LSAMP: variants seen among roughly 807,000 people sequenced by gnomAD.
The protein encoded by LSAMP is limbic system-associated membrane protein.
Under a neutral mutation model 38.6 loss-of-function variants are expected in LSAMP, and 7 were observed. The observed-to-expected ratio is 0.18, with a 90% CI of 0.10 to 0.34. The LOEUF (loss-of-function observed/expected upper bound fraction) is 0.34. Ranked by LOEUF, LSAMP falls within the 10% of genes least tolerant of loss-of-function variation. The pLI, the probability that LSAMP is intolerant of heterozygous loss-of-function variation, is 1.00. For synonymous variants in LSAMP, 154 were observed against 166.8 expected (o/e 0.92, Z 0.59); for missense variants, 313 against 420.0 (o/e 0.75, Z 2.23).
chr3:116,056,401 G>A (rs530736340), intron 2 of LSAMP, among the ~76,000 whole-genome samples: 1 of 152,112 alleles, frequency 6.6e-6, no homozygotes, highest in South Asian at 2.1e-4. Flanking sequence ...AGTGAAATCT[G>A]GTACAGACCT....
At chr3:115,825,433 C>T (rs1214056051) in intron 6 of LSAMP, among the ~76,000 whole-genome samples, 3 of 152,214 alleles carry the variant, frequency 2.0e-5, no homozygotes, top group Non-Finnish European at 4.4e-5. Context: ...TCTGAAAATA[C>T]TGATGGCTCC....
At chr3:115,836,236 A>C (rs963096016) in intron 6 of LSAMP, among the ~76,000 whole-genome samples, 1 of 152,158 alleles carries the variant, frequency 6.6e-6, no homozygotes, top group African/African-American at 2.4e-5. Context: ...TCTTAGGCCT[A>C]TCACGCCCCA....
chr3:115,982,520 A>T (rs1939391552), intron 3 of LSAMP, among the ~76,000 whole-genome samples: 1 of 152,240 alleles, frequency 6.6e-6, no homozygotes, highest in African/African-American at 2.4e-5. Flanking sequence ...CAGAATTAAT[A>T]AAACAGCTGA....
At chr3:115,824,737 T>G (rs1934353716) in intron 6 of LSAMP, among the ~76,000 whole-genome samples, 1 of 151,600 alleles carries the variant, frequency 6.6e-6, no homozygotes, top group Admixed American at 6.6e-5. Context: ...AGAACTAGCT[T>G]CCGGACCTAA....
At chr3:116,272,427 T>C (rs912600727) in intron 1 of LSAMP, among the ~76,000 whole-genome samples, 1 of 152,178 alleles carries the variant, frequency 6.6e-6, no homozygotes, top group Non-Finnish European at 1.5e-5. Flanking sequence ...ATCGAAGCAC[T>C]GATCCCTAGT....
At chr3:116,366,247 G>A (rs2048351947) in intron 1 of LSAMP, among the ~76,000 whole-genome samples, 2 of 151,968 alleles carry the variant, frequency 1.3e-5, no homozygotes, top group Non-Finnish European at 1.5e-5. Flanking sequence ...CATACATGTG[G>A]CCAACAAACA....
At chr3:116,208,410 C>T (rs1297568043) in intron 1 of LSAMP, among the ~76,000 whole-genome samples, 3 of 152,196 alleles carry the variant, frequency 2.0e-5, no homozygotes, top group Non-Finnish European at 4.4e-5. Flanking sequence ...TCATCAAAGT[C>T]ATTCTCCGTC....
At chr3:116,057,967 A>ACACACCCACACC (rs1553699985) in intron 2 of LSAMP, among the ~76,000 whole-genome samples, 20 of 147,542 alleles carry the variant, frequency 1.4e-4, no homozygotes, top group Non-Finnish European at 2.4e-4. Flanking sequence ...CCACACACAC[A>ACACACCCACACC]CACACACACA....
chr3:115,991,459 G>C (rs1347760708), intron 3 of LSAMP, among the ~76,000 whole-genome samples: 1 of 152,012 alleles, frequency 6.6e-6, no homozygotes, highest in East Asian at 1.9e-4. Flanking sequence ...GACACACACA[G>C]CACAAACACA....
intron 1 of LSAMP, among the ~76,000 whole-genome samples, chr3:116,339,071 G>C (rs1576141541): frequency 1.3e-5 from 2 of 152,074 alleles, no homozygotes; most frequent in Non-Finnish European, 2.9e-5. Flanking sequence ...TATTTATAAA[G>C]GTTCAGGTGC....
intron 3 of LSAMP, among the ~76,000 whole-genome samples, chr3:115,897,186 A>T (rs1936750083): frequency 6.6e-6 from 1 of 152,010 alleles, no homozygotes; most frequent in African/African-American, 2.4e-5. Flanking sequence ...TATTGCTTAG[A>T]TGCTCACCCA....
intron 1 of LSAMP, among the ~76,000 whole-genome samples, chr3:116,101,580 A>C (rs1708348468): frequency 6.6e-6 from 1 of 152,142 alleles, no homozygotes; most frequent in Non-Finnish European, 1.5e-5. Context: ...ACTTTTAGCT[A>C]TTTGAAATTA....
intron 1 of LSAMP, among the ~76,000 whole-genome samples, chr3:116,440,356 A>C (rs1221121073): frequency 6.6e-6 from 1 of 152,192 alleles, no homozygotes; most frequent in Admixed American, 6.5e-5. Flanking sequence ...GTTTGCTGTT[A>C]TGTGGAATCA....
chr3:116,353,577 G>A (rs2048179159), intron 1 of LSAMP, among the ~76,000 whole-genome samples: 1 of 151,948 alleles, frequency 6.6e-6, no homozygotes, highest in African/African-American at 2.4e-5. Flanking sequence ...CCATAATTCT[G>A]TACCGAATTG....
chr3:116,215,595 C>T (rs1185411883), intron 1 of LSAMP, among the ~76,000 whole-genome samples: 1 of 152,160 alleles, frequency 6.6e-6, no homozygotes, highest in East Asian at 1.9e-4. Context: ...ATTTCAGCCA[C>T]TGGTTTTTGT....
intron 1 of LSAMP, among the ~76,000 whole-genome samples, chr3:116,298,968 G>C (rs962668234): frequency 6.6e-6 from 1 of 152,126 alleles, no homozygotes; most frequent in African/African-American, 2.4e-5. Flanking sequence ...AAAGGGGTGT[G>C]GGGAGTGGGA....
chr3:116,163,807 TATTC>T (rs1380192580), intron 1 of LSAMP, among the ~76,000 whole-genome samples: 1 of 152,204 alleles, frequency 6.6e-6, no homozygotes, highest in Admixed American at 6.5e-5. Flanking sequence ...ACATTTTTCA[TATTC>T]ATTCTCATGT....
At chr3:116,197,129 G>A (rs1207188026) in intron 1 of LSAMP, among the ~76,000 whole-genome samples, 9 of 42,428 alleles carry the variant, frequency 2.1e-4, no homozygotes, top group South Asian at 7.9e-4. Flanking sequence ...TATCCCACTC[G>A]GACACACACA....
chr3:116,338,201 T>C (rs1036908320), intron 1 of LSAMP, among the ~76,000 whole-genome samples: 1 of 151,998 alleles, frequency 6.6e-6, no homozygotes, highest in Admixed American at 6.6e-5. Context: ...GAAGAAGTGA[T>C]TGGAATTTAG....
Sources: gnomAD v4.1 joint callset for allele counts (sites outside exome capture counted in the v4.1 genomes callset) on GRCh38, gnomAD v4.1.1 for gene constraint, MANE v1.5 for transcripts, NCBI Gene and HGNC (gene_info 2026-07-23, HGNC 2026-07-21) for gene names.